Variants in ZCCHC17 observed in about 807,000 individuals in gnomAD.
The protein encoded by ZCCHC17 is zinc finger CCHC-type containing 17, also known as zinc finger CCHC domain-containing protein 17.
ZCCHC17 carries 18 observed loss-of-function variants against 30.6 expected under a neutral mutation model. The ratio of observed to expected loss-of-function variants is 0.59; its 90% confidence interval spans 0.41 to 0.87. The LOEUF (loss-of-function observed/expected upper bound fraction) is 0.87, where lower values mean the gene tolerates loss of function less well. ZCCHC17 is among the 40% of genes least tolerant of loss of function. The probability of loss-of-function intolerance (pLI) is 0.00; values close to 1 mark genes in which losing one functional copy is unlikely to be tolerated. For synonymous variants in ZCCHC17, 88 were observed against 92.4 expected (o/e 0.95, Z 0.27); for missense variants, 263 against 284.2 (o/e 0.93, Z 0.54).
At chr1:31,324,741 G>T (rs1638267927) in intron 3 of ZCCHC17, among the ~76,000 whole-genome samples, 1 of 152,220 alleles carries the variant, frequency 6.6e-6, no homozygotes, top group African/African-American at 2.4e-5. Flanking sequence ...GGCCAAAGGG[G>T]TGCTGAGGGT....
At chr1:31,297,912 G>A (rs774663034) in intron 1 of ZCCHC17, among the ~76,000 whole-genome samples, 3 of 152,224 alleles carry the variant, frequency 2.0e-5, no homozygotes, top group African/African-American at 7.2e-5. Flanking sequence ...AGAATGAAGG[G>A]AGTATGGTAC....
At chr1:31,349,055 C>A in intron 7 of ZCCHC17, 81 bp downstream of exon 7, 1 of 1,469,070 alleles carries the variant, frequency 6.8e-7, no homozygotes, top group Non-Finnish European at 9.1e-7. Flanking sequence ...TGCAGCAGTA[C>A]ACACCTGTAG....
intron 3 of ZCCHC17, chr1:31,333,017 T>G (rs1325133796): frequency 6.6e-6 from 1 of 152,210 alleles, no homozygotes; most frequent in Non-Finnish European, 1.5e-5. Flanking sequence ...TGTAGTTTTT[T>G]GCACGTAATG....
intron 1 of ZCCHC17, among the ~76,000 whole-genome samples, chr1:31,299,718 A>G (rs1646261919): frequency 6.6e-6 from 1 of 152,200 alleles, no homozygotes; most frequent in Non-Finnish European, 1.5e-5. Context: ...AAAGTCTTTT[A>G]TTGCAATACA....
At position 31,361,806 on chromosome 1, in the gene ZCCHC17, T is replaced by C. The variant is rs192218018; in HGVS notation, c.565-2226T>C. Among the ~76,000 whole-genome samples, 9 of 151,348 alleles carry C rather than the reference T, an allele frequency of 5.9e-5. No individual in the cohort carries two copies. In the East Asian group the frequency reaches 1.8e-3, roughly 29 times the overall value. ...GGGAGATTATTTATTTATTTATTTA[T>C]TTATTTATTTATTTATTTATTTTGA... On this transcript the variant is annotated intron_variant, in intron 7 of 7. Coordinates refer to ENST00000344147, the MANE Select transcript of ZCCHC17 (RefSeq NM_016505.4).
At chr1:31,322,269 G>T (rs889635689) in intron 3 of ZCCHC17, among the ~76,000 whole-genome samples, 5 of 152,016 alleles carry the variant, frequency 3.3e-5, no homozygotes, top group Non-Finnish European at 7.4e-5. Context: ...AAACTTAAGG[G>T]CTCAGTCCCA....
At chr1:31,332,583 C>T (rs1437567412) in intron 3 of ZCCHC17, among the ~76,000 whole-genome samples, 1 of 151,784 alleles carries the variant, frequency 6.6e-6, no homozygotes, top group Non-Finnish European at 1.5e-5. Context: ...GAAAAACACA[C>T]AATGGAAAAT....
chr1:31,349,000 A>G (rs1355565032), intron 7 of ZCCHC17, 26 bp downstream of exon 7: 2 of 1,543,946 alleles, frequency 1.3e-6, no homozygotes, highest in Admixed American at 2.2e-5. Flanking sequence ...CTTTTATTTT[A>G]TCATGTCTTT....
chr1:31,300,302 T>C (rs1256701638), intron 1 of ZCCHC17, among the ~76,000 whole-genome samples: 1 of 151,874 alleles, frequency 6.6e-6, no homozygotes, highest in Non-Finnish European at 1.5e-5. Flanking sequence ...TCAAGTGATC[T>C]TGCTGCCTTG....
At chr1:31,306,861 C>T (rs561598368) in intron 1 of ZCCHC17, among the ~76,000 whole-genome samples, 63 of 151,734 alleles carry the variant, frequency 4.2e-4, no homozygotes, top group Non-Finnish European at 6.9e-4. Flanking sequence ...CTTTTTGAGA[C>T]GGAGTCTTGC....
chr1:31,341,636 T>A (rs778653948), intron 5 of ZCCHC17, among the ~76,000 whole-genome samples: 10 of 152,196 alleles, frequency 6.6e-5, no homozygotes, highest in Non-Finnish European at 1.3e-4. Flanking sequence ...ATGGAATGAT[T>A]AGAGGATTTA....
intron 1 of ZCCHC17, 60 bp from the exon 2 acceptor site, chr1:31,309,984 G>T: frequency 1.1e-6 from 1 of 912,748 alleles, no homozygotes; most frequent in Non-Finnish European, 1.7e-6. Context: ...TGGATTGTCT[G>T]CATATTCATT....
chr1:31,297,231 C>T (rs1313207527), intron 1 of ZCCHC17, 156 bp downstream of exon 1: 1 of 399,258 alleles, frequency 2.5e-6, no homozygotes, highest in African/African-American at 2.1e-5. Flanking sequence ...GTAGCCTGGG[C>T]TCCCTTTCGG....
At chr1:31,309,837 G>C (rs1441709302) in intron 1 of ZCCHC17, among the ~76,000 whole-genome samples, 1 of 151,890 alleles carries the variant, frequency 6.6e-6, no homozygotes, top group Non-Finnish European at 1.5e-5. Context: ...GTAGCCTAAT[G>C]GCCTTGGGTA....
intron 7 of ZCCHC17, among the ~76,000 whole-genome samples, chr1:31,349,999 C>T (rs976373028): frequency 6.6e-6 from 1 of 152,166 alleles, no homozygotes; most frequent in African/African-American, 2.4e-5. Flanking sequence ...TTATCTGTCC[C>T]TAGCAGTGTA....
In ZCCHC17 at chr1:31,339,039, T is replaced by A. The variant is rs1403016260; in HGVS notation, c.308T>A (p.Val103Asp). Residue 103 changes from valine to aspartate, a missense_variant, in exon 5 of 8, where the codon GTT becomes GAT. Val to Asp is a radical substitution (Grantham distance 152). Coordinates refer to ENST00000344147, the MANE Select transcript of ZCCHC17 (RefSeq NM_016505.4). ...GGGAAAGACCTTGATCCCAACAATG[T>A]TATCATTGAGTAAGTAAAAGGTTTG... ...GTGKDLDPNNVIIEQEERRRR... is the reference protein window; with the variant it reads ...GTGKDLDPNNDIIEQEERRRR... 1.2e-6 allele frequency: 2 copies of A among 1,606,170 alleles called. No individual in the cohort carries two copies. Among genetic ancestry groups the A allele is most frequent in the South Asian group, 2.2e-5 (2 of 88,998 alleles).
chr1:31,303,116 C>G (rs544577994), intron 1 of ZCCHC17, among the ~76,000 whole-genome samples: 2 of 146,648 alleles, frequency 1.4e-5, no homozygotes, highest in Admixed American at 6.6e-5. Flanking sequence ...GTCTCTACCC[C>G]CCCTCAAAAA....
At chr1:31,300,657 C>A (rs957188086) in intron 1 of ZCCHC17, among the ~76,000 whole-genome samples, 1 of 151,736 alleles carries the variant, frequency 6.6e-6, no homozygotes, top group African/African-American at 2.4e-5. Flanking sequence ...TGGTTTAGGC[C>A]GGGTGCTGTG....
chr1:31,343,876 CAA>C (rs1639142653), intron 5 of ZCCHC17, among the ~76,000 whole-genome samples: 1 of 101,834 alleles, frequency 9.8e-6, no homozygotes, highest in South Asian at 3.3e-4. Flanking sequence ...TTTTTTGAGA[CAA>C]GAGTTTCACT....
Sources: gnomAD v4.1 joint callset for allele counts (sites outside exome capture counted in the v4.1 genomes callset) on GRCh38, gnomAD v4.1.1 for gene constraint, MANE v1.5 for transcripts, NCBI Gene and HGNC (gene_info 2026-07-23, HGNC 2026-07-21) for gene names.